BIRC6: variants seen among roughly 807,000 people sequenced by gnomAD.
The protein encoded by BIRC6 is dual E2 ubiquitin-conjugating enzyme/E3 ubiquitin-protein ligase BIRC6.
Under a neutral mutation model 503.3 loss-of-function variants are expected in BIRC6, and 98 were observed. That is an observed-to-expected ratio of 0.19 (90% confidence interval 0.17 to 0.23). The LOEUF (loss-of-function observed/expected upper bound fraction) is 0.23. BIRC6 is among the 10% of genes least tolerant of loss of function. The pLI, the probability that BIRC6 is intolerant of heterozygous loss-of-function variation, is 1.00. For missense variants in BIRC6, 5,360 were observed against 5,806.0 expected, an observed-to-expected ratio of 0.92 and a Z score of 2.50; for synonymous variants, 2,240 against 2,078.7, an observed-to-expected ratio of 1.08 and a Z score of -2.11.
intron 62 of BIRC6, 35 bp downstream of exon 62, chr2:32,543,576 G>C (rs1290425431): frequency 6.3e-7 from 1 of 1,583,470 alleles, no homozygotes; most frequent in Non-Finnish European, 8.6e-7. Context: ...CAACACATAT[G>C]TGAATAGGTT....
At chr2:32,426,611 AAAAC>A (rs1489389343) in intron 10 of BIRC6, among the ~76,000 whole-genome samples, 6 of 152,262 alleles carry the variant, frequency 3.9e-5, no homozygotes, top group Non-Finnish European at 7.3e-5. Context: ...CTCAAAACAA[AAAAC>A]AAACAAAACC....
At chr2:32,431,179 A>AGCTTT (rs2044056022) in intron 12 of BIRC6, 89 bp downstream of exon 12, 1 of 48,888 alleles carries the variant, frequency 2.0e-5, no homozygotes. Context: ...ATTACTGTTT[A>AGCTTT]TCTTTTTTTT....
At chr2:32,368,462 C>A (rs925680775) in intron 1 of BIRC6, among the ~76,000 whole-genome samples, 1 of 152,018 alleles carries the variant, frequency 6.6e-6, no homozygotes, top group Admixed American at 6.6e-5. Context: ...ATCGCTTGAA[C>A]CCAGGCGGCA....
At chr2:32,396,728 A>AT (rs1014907028) in intron 6 of BIRC6, among the ~76,000 whole-genome samples, 9 of 151,882 alleles carry the variant, frequency 5.9e-5, no homozygotes, top group African/African-American at 1.2e-4. Flanking sequence ...AAAATTGAAC[A>AT]TTTTTTTTCC....
chr2:32,561,818 C>T lies in BIRC6; in HGVS notation c.13144+12337C>T, dbSNP rs181818010. 2.5e-3 allele frequency among the ~76,000 whole-genome samples: 368 copies of T among 150,152 alleles called. 1 individual carries two copies. The highest frequency in any genetic ancestry group is 8.5e-3 in the African/African-American group (350 of 41,178). On this transcript the variant is annotated intron_variant, in intron 65 of 73. Coordinates refer to ENST00000421745, the MANE Select transcript of BIRC6 (RefSeq NM_016252.4). ...CAGCGCTTTGGGAGGCTGAGGCGGG[C>T]GGATCACGAGGTCAGGAGTTCGAGA...
intron 10 of BIRC6, among the ~76,000 whole-genome samples, chr2:32,425,434 C>CTT (rs200528146): frequency 0.081 from 10,823 of 134,130 alleles, 528 homozygotes; most frequent in Admixed American, 0.15. Flanking sequence ...TCTGGTAATT[C>CTT]TTTTTTTTTT....
chr2:32,561,295 A>G (rs2059167285), intron 65 of BIRC6, among the ~76,000 whole-genome samples: 1 of 147,336 alleles, frequency 6.8e-6, no homozygotes, highest in Non-Finnish European at 1.5e-5. Flanking sequence ...AGGCTGGAGG[A>G]CAGTGGCACG....
chr2:32,460,202 CATATATG>C (rs1389892875), intron 23 of BIRC6, among the ~76,000 whole-genome samples: 6 of 98,130 alleles, frequency 6.1e-5, no homozygotes, highest in African/African-American at 2.5e-4. Flanking sequence ...TGATATATAT[CATATATG>C]ATATATATAT....
chr2:32,532,229 A>G (rs2056842851), intron 61 of BIRC6: 1 of 530,656 alleles, frequency 1.9e-6, no homozygotes, highest in African/African-American at 1.9e-5. Flanking sequence ...GCTGTACCAA[A>G]ATACCACAAA....
intron 65 of BIRC6, among the ~76,000 whole-genome samples, chr2:32,560,402 A>G (rs2059087343): frequency 6.6e-6 from 1 of 152,186 alleles, no homozygotes; most frequent in African/African-American, 2.4e-5. Context: ...TATGAAGAGA[A>G]TATCTTCTTC....
At chr2:32,473,037 T>G in intron 32 of BIRC6, 75 bp from the exon 33 acceptor site, 5 of 1,313,082 alleles carry the variant, frequency 3.8e-6, no homozygotes, top group Non-Finnish European at 5.2e-6. Flanking sequence ...CTGTGTTTTT[T>G]GTTTTCTGGG....
At chr2:32,519,930 A>G (rs766365773) in intron 57 of BIRC6, among the ~76,000 whole-genome samples, 20 of 152,378 alleles carry the variant, frequency 1.3e-4, no homozygotes, top group Non-Finnish European at 1.8e-4. Flanking sequence ...TCCTAAGATT[A>G]TAAACATGAG....
chr2:32,558,563 A>G (rs549526438), intron 65 of BIRC6: 16 of 152,320 alleles, frequency 1.1e-4, no homozygotes, highest in African/African-American at 3.4e-4. Flanking sequence ...ATTTATTTCC[A>G]CAGATTAAAC....
intron 8 of BIRC6, among the ~76,000 whole-genome samples, chr2:32,402,070 A>C (rs1027701324): frequency 1.3e-5 from 2 of 152,226 alleles, no homozygotes; most frequent in Non-Finnish European, 2.9e-5. Context: ...GTGAGGCAAG[A>C]GGATCTAATT....
chr2:32,593,264 C>T (rs1017328048), intron 66 of BIRC6, among the ~76,000 whole-genome samples: 1 of 152,094 alleles, frequency 6.6e-6, no homozygotes, highest in Admixed American at 6.5e-5. Context: ...ACTACTAGTA[C>T]ATTTATCTAG....
intron 15 of BIRC6, among the ~76,000 whole-genome samples, chr2:32,436,886 CTTTTT>C (rs35067044): frequency 1.1e-5 from 1 of 90,076 alleles, no homozygotes; most frequent in African/African-American, 4.3e-5. Context: ...TTTGTTTTTT[CTTTTT>C]TTTTTTTTTT....
chr2:32,412,882 T>A (rs2042039495), intron 9 of BIRC6, among the ~76,000 whole-genome samples: 1 of 152,184 alleles, frequency 6.6e-6, no homozygotes, highest in South Asian at 2.1e-4. Flanking sequence ...AGTGCAGAAA[T>A]TCTGTTACTT....
At chr2:32,480,479 T>C (rs1253888521) in intron 37 of BIRC6, among the ~76,000 whole-genome samples, 1 of 152,038 alleles carries the variant, frequency 6.6e-6, no homozygotes, top group Non-Finnish European at 1.5e-5. Flanking sequence ...TATAAAGTTA[T>C]GTTGAATAAG....
At chr2:32,426,963 CTCCA>C (rs1400802326) in intron 10 of BIRC6, among the ~76,000 whole-genome samples, 1 of 152,164 alleles carries the variant, frequency 6.6e-6, no homozygotes. Context: ...TGCCTCTGGT[CTCCA>C]TTGTTTCTCA....
Sources: gnomAD v4.1 joint callset for allele counts (sites outside exome capture counted in the v4.1 genomes callset) on GRCh38, gnomAD v4.1.1 for gene constraint, MANE v1.5 for transcripts, NCBI Gene and HGNC (gene_info 2026-07-23, HGNC 2026-07-21) for gene names.